The following ANKRD46 variants were observed in gnomAD, a reference collection of about 807,000 sequenced individuals.
ANKRD46 encodes the protein ankyrin repeat domain 46, also known as ankyrin repeat domain-containing protein 46.
A neutral mutation model predicts 19.8 loss-of-function variants in ANKRD46; 13 were observed. The ratio of observed to expected loss-of-function variants is 0.66; its 90% confidence interval spans 0.43 to 1.04. The LOEUF (loss-of-function observed/expected upper bound fraction) is 1.04. Among genes scored for constraint, ANKRD46 ranks in the 50% least tolerant of loss-of-function variants. The pLI, the probability that ANKRD46 is intolerant of heterozygous loss-of-function variation, is 0.00. For missense variants in ANKRD46, 185 were observed against 274.8 expected, an observed-to-expected ratio of 0.67 and a Z score of 2.31; for synonymous variants, 91 against 106.9, an observed-to-expected ratio of 0.85 and a Z score of 0.92.
At chr8:100,531,521 C>A (rs984764328) in intron 2 of ANKRD46, among the ~76,000 whole-genome samples, 4 of 152,150 alleles carry the variant, frequency 2.6e-5, no homozygotes, top group African/African-American at 9.7e-5. Flanking sequence ...CATTAACATA[C>A]ACTGAGACTT....
chr8:100,523,416 A>G (rs1227447803), intron 4 of ANKRD46, among the ~76,000 whole-genome samples: 1 of 151,336 alleles, frequency 6.6e-6, no homozygotes, highest in African/African-American at 2.4e-5. Context: ...TCAGACTTCT[A>G]GGCCCTAGAA....
At chr8:100,552,765 T>C (rs1812420201) in intron 1 of ANKRD46, among the ~76,000 whole-genome samples, 1 of 152,248 alleles carries the variant, frequency 6.6e-6, no homozygotes, top group Non-Finnish European at 1.5e-5. Context: ...AGATAGCAAG[T>C]ATACAGAGTG....
rs570408296 is a variant in ANKRD46, at chr8:100,527,447, C to A, written c.470+398G>T. On this transcript the variant is annotated intron_variant, in intron 4 of 4. Transcript: ENST00000335659. The surrounding 1 kb of genome is among the most constrained non-coding windows in gnomAD (Gnocchi z 4.0). Reference sequence around the variant, plus strand: ...AATTCCATTCTTTTTGTGACCTGTACTTAAAATCATCAAGCTCCGGCTTCC... The same window carrying A: ...AATTCCATTCTTTTTGTGACCTGTAATTAAAATCATCAAGCTCCGGCTTCC... 6.6e-6 allele frequency among the ~76,000 whole-genome samples: 1 copy of A among 152,146 alleles called. No homozygotes were observed. Among genetic ancestry groups the A allele is most frequent in the Non-Finnish European group, 1.5e-5 (1 of 68,028 alleles).
Position 100,543,072 on chromosome 8 carries a change from C to G in ANKRD46, c.-130-9761G>C. 6.6e-6 allele frequency among the ~76,000 whole-genome samples: 1 copy of G among 152,156 alleles called. No homozygotes were observed. Among genetic ancestry groups the G allele is most frequent in the East Asian group, 1.9e-4 (1 of 5,168 alleles). ...ATGACAAGTTCCTATATCAGTTTCC[C>G]ATGGAGCTATTTTTGCAAACTGCCC... is the stretch of plus-strand genomic sequence containing the variant. On this transcript the variant is annotated intron_variant, in intron 1 of 4. Coordinates refer to ENST00000335659, the MANE Select transcript of ANKRD46 (RefSeq NM_001270377.2). This position sits in a 1 kb window ranked among gnomAD's most constrained non-coding sequence, Gnocchi z 4.2.
chr8:100,528,125 C>A, intron 3 of ANKRD46, 122 bp from the exon 4 acceptor site: 1 of 1,127,426 alleles, frequency 8.9e-7, no homozygotes. Flanking sequence ...AAAGAATGGG[C>A]CCAATTAGGG....
In ANKRD46 at chr8:100,527,723, G is replaced by A. The variant is rs1032639326; in HGVS notation, c.470+122C>T. The A allele has an allele frequency of 4.2e-6, 4 of 963,596 alleles. No homozygotes were observed. The highest frequency in any genetic ancestry group is 3.3e-5 in the African/African-American group (2 of 59,836). 59.7% of individuals were successfully genotyped at this position (963,596 alleles called of 1,614,324 possible). On this transcript the variant is annotated intron_variant, in intron 4 of 4. Coordinates refer to ENST00000335659, the MANE Select transcript of ANKRD46 (RefSeq NM_001270377.2). This position sits in a 1 kb window ranked among gnomAD's most constrained non-coding sequence, Gnocchi z 4.0. Reference sequence around the variant, plus strand: ...CTTAAAAAATCGTATTATCTTGCTGGGTGTGGCTACATGTGCCTATAGTCC... The same window carrying A: ...CTTAAAAAATCGTATTATCTTGCTGAGTGTGGCTACATGTGCCTATAGTCC...
chr8:100,518,849 C>T (rs1339980059), downstream of ANKRD46, among the ~76,000 whole-genome samples: 2 of 132,968 alleles, frequency 1.5e-5, no homozygotes, highest in East Asian at 4.0e-4. Flanking sequence ...GAGACTCTGT[C>T]TCAAAAAAAA....
At position 100,510,687 on chromosome 8, in the gene ANKRD46, C is replaced by T; in HGVS notation, c.637-48G>A. ...TTAAAAAAAAAAAAAAATCCCAGTTCTGTTAAGCTGCAGAGATGTGCCAGG... is the reference window on the plus strand; with the variant it reads ...TTAAAAAAAAAAAAAAATCCCAGTTTTGTTAAGCTGCAGAGATGTGCCAGG... On this transcript the variant is annotated intron_variant, in intron 5 of 5. Coordinates refer to the ANKRD46 transcript ENST00000520552. This position sits in a 1 kb window ranked among gnomAD's most constrained non-coding sequence, Gnocchi z 4.9. 1.4e-6 allele frequency: 2 copies of T among 1,419,766 alleles called. No individual in the cohort carries two copies. Among genetic ancestry groups the T allele is most frequent in the Non-Finnish European group, 1.9e-6 (2 of 1,046,888 alleles). 87.9% of individuals were successfully genotyped at this position (1,419,766 alleles called of 1,614,324 possible).
Position 100,525,270 on chromosome 8 carries a change from C to T in ANKRD46, c.471-2499G>A, listed in dbSNP as rs147295477. Among the ~76,000 whole-genome samples, 64 of 152,274 alleles carry T rather than the reference C, an allele frequency of 4.2e-4. No homozygotes were observed. The South Asian group carries it at 6.6e-3, about 16-fold the overall frequency. ...ACATTTATTGAGACATAATTCACAT[C>T]CCATAATATTTACCTTTTGAAACTG... is the stretch of plus-strand genomic sequence containing the variant. On this transcript the variant is annotated intron_variant, in intron 4 of 4. Coordinates refer to ENST00000335659, the MANE Select transcript of ANKRD46 (RefSeq NM_001270377.2). The surrounding 1 kb of genome is among the most constrained non-coding windows in gnomAD (Gnocchi z 4.4).
At position 100,532,282 on chromosome 8, in the gene ANKRD46, CA is replaced by C. The variant is rs1563929056; in HGVS notation, c.-28+926del. 1 of 152,134 alleles carries C rather than the reference CA, an allele frequency of 6.6e-6. No homozygotes were observed. The highest frequency in any genetic ancestry group is 1.5e-5 in the Non-Finnish European group (1 of 68,040). 9.4% of individuals were successfully genotyped at this position (152,134 alleles called of 1,614,324 possible). A position where few individuals can be genotyped will look rare whatever the true frequency, so the allele number is the denominator to read the frequency against. On this transcript the variant is annotated intron_variant, in intron 2 of 4. Coordinates refer to ENST00000335659, the MANE Select transcript of ANKRD46 (RefSeq NM_001270377.2). This position sits in a 1 kb window ranked among gnomAD's most constrained non-coding sequence, Gnocchi z 4.7. ...AGGAGTTCGAAACTAGCCTGGGCAA[CA>C]TAGCGAGAGACCCTGTCTCTATAAA...
chr8:100,547,186 CTA>C (rs1812289912), intron 1 of ANKRD46, among the ~76,000 whole-genome samples: 1 of 152,088 alleles, frequency 6.6e-6, no homozygotes, highest in South Asian at 2.1e-4. Flanking sequence ...AGGAGCAGAA[CTA>C]TATGGTTTGG....
At chr8:100,547,837 C>T (rs1286823230) in intron 1 of ANKRD46, among the ~76,000 whole-genome samples, 2 of 152,142 alleles carry the variant, frequency 1.3e-5, no homozygotes, top group Non-Finnish European at 2.9e-5. Context: ...ATTGACACTG[C>T]TTTCACTCTT....
chr8:100,556,696 C>A (rs1169803871), intron 1 of ANKRD46: 1 of 152,222 alleles, frequency 6.6e-6, no homozygotes, highest in African/African-American at 2.4e-5. Flanking sequence ...TCACCAAGGA[C>A]CTTCCTATTA....
intron 1 of ANKRD46, among the ~76,000 whole-genome samples, chr8:100,538,653 G>A (rs1812112333): frequency 6.6e-6 from 1 of 152,128 alleles, no homozygotes; most frequent in African/African-American, 2.4e-5. Flanking sequence ...CTAATAAAAA[G>A]TGTGAATAAT....
rs1471639212 is a variant in ANKRD46, at chr8:100,529,876, T to C, written c.-27-16A>G. On this transcript the variant is annotated splice_polypyrimidine_tract_variant and intron_variant, in intron 2 of 4. Transcript: ENST00000335659. The surrounding 1 kb of genome is among the most constrained non-coding windows in gnomAD (Gnocchi z 5.8). Reference sequence around the variant, plus strand: ...TGGAACACGCCTGTAATGAAATAGGTGAGTGAGATTCCATGAAGACAAATG... The same window carrying C: ...TGGAACACGCCTGTAATGAAATAGGCGAGTGAGATTCCATGAAGACAAATG... 5 of 1,562,578 alleles carry C rather than the reference T, an allele frequency of 3.2e-6. No homozygotes were observed. Among genetic ancestry groups the C allele is most frequent in the South Asian group, 2.3e-5 (2 of 86,512 alleles).
rs1812559464 is a variant in ANKRD46 at position 100,559,029 on chromosome 8, T to A, written c.-131+682A>T. 6.6e-6 allele frequency: 1 copy of A among 152,188 alleles called. No homozygotes were observed. The highest frequency in any genetic ancestry group is 1.5e-5 in the Non-Finnish European group (1 of 68,028). The allele number at this position is 152,188 out of a possible 1,614,324, so 9.4% of individuals were successfully genotyped here. Reference sequence around the variant, plus strand: ...TGAGAAGCGCTACTATTCAATGGCATATTTTTACCTTATTATGTTCTGTAG... The same window carrying A: ...TGAGAAGCGCTACTATTCAATGGCAAATTTTTACCTTATTATGTTCTGTAG... On this transcript the variant is annotated intron_variant, in intron 1 of 4. Coordinates refer to ENST00000335659, the MANE Select transcript of ANKRD46 (RefSeq NM_001270377.2). This position sits in a 1 kb window ranked among gnomAD's most constrained non-coding sequence, Gnocchi z 6.0.
intron 1 of ANKRD46, among the ~76,000 whole-genome samples, chr8:100,540,139 T>A (rs548223899): frequency 6.6e-6 from 1 of 152,164 alleles, no homozygotes; most frequent in East Asian, 1.9e-4. Flanking sequence ...ACTCATTTAA[T>A]CCTCATAGAA....
chr8:100,515,228 T>A (rs897715095), intron 5 of ANKRD46, among the ~76,000 whole-genome samples: 1 of 152,204 alleles, frequency 6.6e-6, no homozygotes, highest in African/African-American at 2.4e-5. Flanking sequence ...AGCTTGAATA[T>A]ATAATTGCTT....
At chr8:100,541,552 G>A (rs898841431) in intron 1 of ANKRD46, among the ~76,000 whole-genome samples, 7 of 152,108 alleles carry the variant, frequency 4.6e-5, no homozygotes, top group African/African-American at 1.7e-4. Flanking sequence ...CCTACTACAT[G>A]CCCATGCTAT....
Sources: gnomAD v4.1 joint callset for allele counts (sites outside exome capture counted in the v4.1 genomes callset) on GRCh38, gnomAD v4.1.1 for gene constraint, Gnocchi (gnomAD v3.1) non-coding constraint, MANE v1.5 for transcripts, NCBI Gene and HGNC (gene_info 2026-07-23, HGNC 2026-07-21) for gene names.